The following EEF1AKMT2 variants were observed in gnomAD, a reference collection of about 807,000 sequenced individuals.
EEF1AKMT2 encodes the protein eukaryotic translation elongation factor 1 alpha lysine methyltransferase 2.
EEF1AKMT2 carries 32 observed loss-of-function variants against 35.8 expected under a neutral mutation model. The observed-to-expected ratio is 0.89, with a 90% CI of 0.67 to 1.20. The LOEUF (loss-of-function observed/expected upper bound fraction) is 1.20. Ranked by LOEUF, EEF1AKMT2 falls within the 50% of genes most tolerant of loss-of-function variation. EEF1AKMT2 has a pLI of 0.00. For synonymous variants in EEF1AKMT2, 121 were observed against 133.7 expected, an observed-to-expected ratio of 0.91 and a Z score of 0.65; for missense variants, 330 against 347.5, an observed-to-expected ratio of 0.95 and a Z score of 0.40.
chr10:124,761,316 G>C (rs953457962), intron 6 of EEF1AKMT2, among the ~76,000 whole-genome samples: 3 of 152,156 alleles, frequency 2.0e-5, no homozygotes, highest in Non-Finnish European at 4.4e-5. Context: ...AGATGAAAAA[G>C]TTCTGGAGAA....
chr10:124,786,511 A>C (rs573621624), intron 3 of EEF1AKMT2, among the ~76,000 whole-genome samples: 3 of 151,088 alleles, frequency 2.0e-5, no homozygotes, highest in Admixed American at 1.3e-4. Context: ...GTCTCAAAAA[A>C]AAAAAAAAGA....
intron 3 of EEF1AKMT2, among the ~76,000 whole-genome samples, chr10:124,776,505 G>A (rs1193892458): frequency 6.6e-6 from 1 of 152,122 alleles, no homozygotes; most frequent in Non-Finnish European, 1.5e-5. Context: ...GAAACAAACA[G>A]GGCCAGACAC....
In EEF1AKMT2 at chr10:124,759,547, G is replaced by A. The variant is rs2134117052; in HGVS notation, c.*956C>T. 6.6e-6 allele frequency: 1 copy of A among 152,338 alleles called. No individual in the cohort carries two copies. The highest frequency in any genetic ancestry group is 1.5e-5 in the Non-Finnish European group (1 of 68,040). The allele number at this position is 152,338 out of a possible 1,614,324, so 9.4% of individuals were successfully genotyped here. ...GCAAAGACTAAGCACCTGTGAGGCA[G>A]AATATGCTAGGAGAAGAGTATGTGT... On this transcript the variant is annotated 3_prime_UTR_variant, in exon 7 of 7. Transcript: ENST00000368836.
intron 3 of EEF1AKMT2, among the ~76,000 whole-genome samples, chr10:124,779,416 A>T (rs1950517087): frequency 6.7e-6 from 1 of 148,718 alleles, no homozygotes; most frequent in African/African-American, 2.4e-5. Context: ...TATAGGTGTG[A>T]GCCACCATGC....
intron 4 of EEF1AKMT2, among the ~76,000 whole-genome samples, chr10:124,773,693 T>C (rs769125971): frequency 2.2e-4 from 33 of 152,184 alleles, no homozygotes; most frequent in Non-Finnish European, 4.3e-4. Flanking sequence ...GCACAGTTCA[T>C]GGCACGCCAA....
chr10:124,760,492 G>A lies in EEF1AKMT2; in HGVS notation c.*11C>T, dbSNP rs1473986924. The A allele has an allele frequency of 4.3e-6, 7 of 1,613,432 alleles. No individual in the cohort carries two copies. The highest frequency in any genetic ancestry group is 5.9e-6 in the Non-Finnish European group (7 of 1,179,566). On this transcript the variant is annotated 3_prime_UTR_variant, in exon 7 of 7. Coordinates refer to ENST00000368836, the MANE Select transcript of EEF1AKMT2 (RefSeq NM_212554.4). ...AACTTGGGTGTTGGTAGCTCTTCGA[G>A]AAGTTCAAATCCTGTCAGACAAAAT...
At chr10:124,788,663 T>A (rs1039679959) in intron 3 of EEF1AKMT2, among the ~76,000 whole-genome samples, 20 of 143,952 alleles carry the variant, frequency 1.4e-4, no homozygotes, top group Admixed American at 4.4e-4. Context: ...TATGCTTACC[T>A]ATAAGATAAG....
chr10:124,762,955 T>C (rs1032223492), intron 5 of EEF1AKMT2, among the ~76,000 whole-genome samples: 1 of 152,220 alleles, frequency 6.6e-6, no homozygotes, highest in Non-Finnish European at 1.5e-5. Flanking sequence ...TTGGAGTTAT[T>C]ATATTTCAAA....
chr10:124,788,086 T>C (rs1280094202), intron 3 of EEF1AKMT2, among the ~76,000 whole-genome samples: 1 of 152,198 alleles, frequency 6.6e-6, no homozygotes, highest in Non-Finnish European at 1.5e-5. Flanking sequence ...CCACGTATAC[T>C]TTGTATTTCA....
At chr10:124,791,585 C>T in intron 1 of EEF1AKMT2, 139 bp downstream of exon 1, 1 of 1,264,748 alleles carries the variant, frequency 7.9e-7, no homozygotes, top group Non-Finnish European at 1.1e-6. Flanking sequence ...CCGTAAGCCC[C>T]CCGCCAGGTG....
intron 3 of EEF1AKMT2, among the ~76,000 whole-genome samples, chr10:124,776,070 A>C (rs1358984833): frequency 6.6e-6 from 1 of 152,068 alleles, no homozygotes; most frequent in South Asian, 2.1e-4. Context: ...GGCGCCCGCC[A>C]CCACGCCCAG....
chr10:124,790,373 GAATTA>G (rs1950624200), intron 1 of EEF1AKMT2, 35 bp from the exon 2 acceptor site: 1 of 1,401,042 alleles, frequency 7.1e-7, no homozygotes, highest in East Asian at 2.3e-5. Context: ...CAAGACTCTT[GAATTA>G]AACTGTATTA....
At chr10:124,757,325 C>G (rs139609011), downstream of EEF1AKMT2, among the ~76,000 whole-genome samples, 46 of 152,076 alleles carry the variant, frequency 3.0e-4, no homozygotes, top group East Asian at 7.2e-3. Context: ...AAATCAAACC[C>G]CAGGGCTCTC....
At chr10:124,765,050 C>T (rs971756995) in intron 5 of EEF1AKMT2, among the ~76,000 whole-genome samples, 9 of 152,268 alleles carry the variant, frequency 5.9e-5, no homozygotes, top group African/African-American at 1.9e-4. Context: ...TACAGGCACG[C>T]GCCACCAATC....
intron 4 of EEF1AKMT2, among the ~76,000 whole-genome samples, chr10:124,773,553 G>C (rs971342467): frequency 1.2e-4 from 18 of 152,144 alleles, no homozygotes; most frequent in Admixed American, 1.2e-3. Flanking sequence ...TTTTTAATTG[G>C]CCTAATTTCA....
chr10:124,769,338 C>A (rs1298943110), intron 4 of EEF1AKMT2, among the ~76,000 whole-genome samples: 1 of 148,984 alleles, frequency 6.7e-6, no homozygotes, highest in African/African-American at 2.5e-5. Context: ...TGTGTAAATG[C>A]AACAGGGTAA....
intron 3 of EEF1AKMT2, among the ~76,000 whole-genome samples, chr10:124,783,573 C>G (rs1180465319): frequency 6.6e-6 from 1 of 152,172 alleles, no homozygotes; most frequent in East Asian, 1.9e-4. Context: ...TGGCGTATGA[C>G]CCAGCAATTT....
At chr10:124,761,463 G>A (rs1950330524) in intron 6 of EEF1AKMT2, among the ~76,000 whole-genome samples, 1 of 151,944 alleles carries the variant, frequency 6.6e-6, no homozygotes, top group African/African-American at 2.4e-5. Flanking sequence ...CAAAGATGAA[G>A]ACTCAAACTA....
At chr10:124,785,037 A>C (rs1950572847) in intron 3 of EEF1AKMT2, among the ~76,000 whole-genome samples, 1 of 151,924 alleles carries the variant, frequency 6.6e-6, no homozygotes, top group African/African-American at 2.4e-5. Flanking sequence ...TCACGAGATC[A>C]GGCATTTTAG....
Sources: gnomAD v4.1 joint callset for allele counts (sites outside exome capture counted in the v4.1 genomes callset) on GRCh38, gnomAD v4.1.1 for gene constraint, MANE v1.5 for transcripts, NCBI Gene and HGNC (gene_info 2026-07-23, HGNC 2026-07-21) for gene names.